Variants in EPHA6 observed in about 807,000 individuals in gnomAD.
EPHA6 encodes EPH receptor A6.
In EPHA6, 50 loss-of-function variants were observed where a neutral mutation model predicts 112.0. That is an observed-to-expected ratio of 0.45 (90% CI 0.36 to 0.56). EPHA6 has a LOEUF of 0.56. EPHA6 is among the 20% of genes least tolerant of loss of function. The probability of loss-of-function intolerance (pLI) is 0.00; values close to 1 mark genes in which losing one functional copy is unlikely to be tolerated. For missense variants in EPHA6, 1,280 were observed against 1,417.4 expected (o/e 0.90, Z 1.56); for synonymous variants, 529 against 490.7 (o/e 1.08, Z -1.03).
intron 2 of EPHA6, among the ~76,000 whole-genome samples, chr3:96,923,074 T>C (rs1201569409): frequency 6.6e-6 from 1 of 152,220 alleles, no homozygotes; most frequent in Non-Finnish European, 1.5e-5. Flanking sequence ...ATGTCTTTGC[T>C]CTTGTGAATA....
intron 5 of EPHA6, among the ~76,000 whole-genome samples, chr3:97,299,211 G>A (rs1422780027): frequency 2.0e-5 from 3 of 148,128 alleles, no homozygotes; most frequent in Admixed American, 2.0e-4. Context: ...GTGTGTGTGT[G>A]TAGGGGGGAG....
intron 3 of EPHA6, among the ~76,000 whole-genome samples, chr3:97,028,068 G>C (rs2044703885): frequency 6.6e-6 from 1 of 152,046 alleles, no homozygotes; most frequent in Admixed American, 6.6e-5. Context: ...GTTTTATTTT[G>C]AAGTTCCAAA....
intron 14 of EPHA6, among the ~76,000 whole-genome samples, chr3:97,685,115 TATG>T (rs375382206): frequency 2.6e-3 from 394 of 152,326 alleles, no homozygotes; most frequent in Admixed American, 7.5e-3. Flanking sequence ...GAAAAATTTA[TATG>T]ATGTCACTCA....
intron 12 of EPHA6, among the ~76,000 whole-genome samples, chr3:97,595,427 T>C (rs372251319): frequency 7.0e-4 from 106 of 152,252 alleles, no homozygotes; most frequent in African/African-American, 2.2e-3. Context: ...GTAGATCACC[T>C]GAGGTCAGGA....
chr3:97,234,125 T>C (rs1312672274), intron 4 of EPHA6, among the ~76,000 whole-genome samples: 1 of 152,086 alleles, frequency 6.6e-6, no homozygotes, highest in African/African-American at 2.4e-5. Flanking sequence ...GATTATTAGG[T>C]GTCTCAAATG....
At chr3:97,453,654 A>G (rs1387952331) in intron 7 of EPHA6, among the ~76,000 whole-genome samples, 1 of 151,754 alleles carries the variant, frequency 6.6e-6, no homozygotes, top group Non-Finnish European at 1.5e-5. Flanking sequence ...GTCGTGCCTT[A>G]TATATTTTTA....
At chr3:97,644,830 T>C (rs1014597819) in intron 14 of EPHA6, among the ~76,000 whole-genome samples, 5 of 152,086 alleles carry the variant, frequency 3.3e-5, no homozygotes, top group South Asian at 4.2e-4. Context: ...CAGGACCAGA[T>C]GGATTCACAG....
At chr3:97,600,900 C>T (rs2107405294) in intron 12 of EPHA6, among the ~76,000 whole-genome samples, 1 of 151,680 alleles carries the variant, frequency 6.6e-6, no homozygotes, top group South Asian at 2.1e-4. Flanking sequence ...CATGAAAAAT[C>T]TTAAAAGAGC....
intron 3 of EPHA6, among the ~76,000 whole-genome samples, chr3:97,206,168 C>T (rs1203711138): frequency 6.6e-6 from 1 of 152,024 alleles, no homozygotes; most frequent in Non-Finnish European, 1.5e-5. Flanking sequence ...TACAATGCCA[C>T]TTTTTTCTGT....
At position 97,347,583 on chromosome 3, in the gene EPHA6, A is replaced by G. The variant is rs573564232; in HGVS notation, c.1607-57567A>G. Among the ~76,000 whole-genome samples the G allele has an allele frequency of 4.6e-5, 7 of 152,190 alleles. No individual in the cohort carries two copies. The South Asian group carries it at 6.2e-4, about 14-fold the overall frequency. On this transcript the variant is annotated intron_variant, in intron 5 of 17. Transcript: ENST00000389672. Reference sequence around the variant, plus strand: ...TTGAAAGTGACTCCAATGAACATGAATTTGAGGCTATTTCTCCTAGAAAAA... The same window carrying G: ...TTGAAAGTGACTCCAATGAACATGAGTTTGAGGCTATTTCTCCTAGAAAAA...
chr3:97,114,684 G>A (rs911814722), intron 3 of EPHA6, among the ~76,000 whole-genome samples: 7 of 151,878 alleles, frequency 4.6e-5, no homozygotes, highest in Non-Finnish European at 8.8e-5. Flanking sequence ...CTTCATTAAG[G>A]TCATATTAAA....
intron 8 of EPHA6, among the ~76,000 whole-genome samples, chr3:97,478,597 AT>A (rs57490929): frequency 0.19 from 28,599 of 151,814 alleles, 4,021 homozygotes; most frequent in African/African-American, 0.38. Flanking sequence ...AGAAAAAAAA[AT>A]ATTTTGAAGT....
intron 3 of EPHA6, among the ~76,000 whole-genome samples, chr3:97,147,470 G>A (rs1696589879): frequency 6.6e-6 from 1 of 151,826 alleles, no homozygotes; most frequent in African/African-American, 2.4e-5. Context: ...TCACAAAGTG[G>A]CACTACTTAC....
chr3:97,472,646 T>C (rs1189343358), intron 7 of EPHA6, among the ~76,000 whole-genome samples: 1 of 151,824 alleles, frequency 6.6e-6, no homozygotes, highest in Non-Finnish European at 1.5e-5. Flanking sequence ...GTGTTTTTAT[T>C]TCCATATGGC....
At chr3:97,598,053 C>T (rs2093608861) in intron 12 of EPHA6, among the ~76,000 whole-genome samples, 1 of 152,090 alleles carries the variant, frequency 6.6e-6, no homozygotes, top group Admixed American at 6.6e-5. Flanking sequence ...GATCAAATTG[C>T]ACTTCAGAAA....
intron 2 of EPHA6, among the ~76,000 whole-genome samples, chr3:96,981,269 A>G (rs973350565): frequency 2.0e-5 from 3 of 152,118 alleles, no homozygotes; most frequent in Non-Finnish European, 4.4e-5. Context: ...AGGGCTGTTG[A>G]ATTTTGTCAA....
intron 5 of EPHA6, among the ~76,000 whole-genome samples, chr3:97,311,178 T>C (rs981346276): frequency 5.3e-5 from 8 of 151,714 alleles, no homozygotes; most frequent in African/African-American, 1.9e-4. Context: ...GTATTGATGT[T>C]ACATAAAGTC....
intron 3 of EPHA6, among the ~76,000 whole-genome samples, chr3:97,189,152 ACAT>A (rs2077234229): frequency 6.6e-6 from 1 of 151,934 alleles, no homozygotes; most frequent in South Asian, 2.1e-4. Context: ...TGTAAATATA[ACAT>A]CATCAAGTAC....
In EPHA6 at chr3:97,466,049, G is replaced by A. The variant is rs73133080; in HGVS notation, c.1895-9303G>A. Reference sequence around the variant, plus strand: ...AGACCCATTAGATATAGGACAGACAGGACTGATTTCCCCCCAAAACTATCC... The same window carrying A: ...AGACCCATTAGATATAGGACAGACAAGACTGATTTCCCCCCAAAACTATCC... On this transcript the variant is annotated intron_variant, in intron 7 of 17. Transcript: ENST00000389672. 5.3e-3 allele frequency among the ~76,000 whole-genome samples: 807 copies of A among 151,708 alleles called. 3 individuals carry two copies. The highest frequency in any genetic ancestry group is 7.9e-3 in the Non-Finnish European group (533 of 67,834).
Sources: gnomAD v4.1 joint callset for allele counts (sites outside exome capture counted in the v4.1 genomes callset) on GRCh38, gnomAD v4.1.1 for gene constraint, MANE v1.5 for transcripts, NCBI Gene and HGNC (gene_info 2026-07-23, HGNC 2026-07-21) for gene names.